Variants in DACH1 observed in about 807,000 individuals in gnomAD.
DACH1 encodes dachshund family transcription factor 1.
Under a neutral mutation model 54.2 loss-of-function variants are expected in DACH1, and 12 were observed. That is an observed-to-expected ratio of 0.22 (90% CI 0.14 to 0.36). DACH1 has a LOEUF of 0.36. Among genes scored for constraint, DACH1 ranks in the 10% least tolerant of loss-of-function variants. The pLI is 1.00. For missense variants in DACH1, 805 were observed against 929.8 expected (o/e 0.87, Z 1.75); for synonymous variants, 386 against 366.2 (o/e 1.05, Z -0.62).
intron 1 of DACH1, among the ~76,000 whole-genome samples, chr13:71,824,464 A>C (rs1202891474): frequency 2.0e-5 from 3 of 152,042 alleles, no homozygotes; most frequent in African/African-American, 7.2e-5. Context: ...AAAAAGAAAC[A>C]TTCTTGCCAG....
At chr13:71,639,206 G>A (rs1488496598) in intron 2 of DACH1, among the ~76,000 whole-genome samples, 1 of 152,036 alleles carries the variant, frequency 6.6e-6, no homozygotes, top group East Asian at 1.9e-4. Flanking sequence ...ATTTCTCAAT[G>A]CTTTCTAAAT....
At chr13:71,668,742 T>G (rs937742758) in intron 2 of DACH1, among the ~76,000 whole-genome samples, 1 of 151,898 alleles carries the variant, frequency 6.6e-6, no homozygotes, top group Non-Finnish European at 1.5e-5. Flanking sequence ...CTGGCCAACA[T>G]GGTGAAACCC....
At chr13:71,863,112 A>G (rs1023474231) in intron 1 of DACH1, among the ~76,000 whole-genome samples, 1 of 152,256 alleles carries the variant, frequency 6.6e-6, no homozygotes, top group Admixed American at 6.5e-5. Context: ...GACTTGAATG[A>G]AAAAAGTAAT....
intron 10 of DACH1, among the ~76,000 whole-genome samples, chr13:71,454,495 A>G (rs1204663365): frequency 2.0e-5 from 3 of 152,226 alleles, no homozygotes; most frequent in African/African-American, 7.2e-5. Flanking sequence ...GGTTCTAAAA[A>G]GACGGTAACT....
At chr13:71,575,510 A>T (rs1001985571) in intron 3 of DACH1, among the ~76,000 whole-genome samples, 3 of 152,032 alleles carry the variant, frequency 2.0e-5, no homozygotes, top group African/African-American at 7.2e-5. Flanking sequence ...ATTTCTGCAA[A>T]TATATTTAAA....
At chr13:71,596,550 G>A (rs1004220993) in intron 3 of DACH1, among the ~76,000 whole-genome samples, 5 of 152,208 alleles carry the variant, frequency 3.3e-5, no homozygotes, top group African/African-American at 9.6e-5. Flanking sequence ...TATAAACAAA[G>A]AGATGGATAA....
chr13:71,565,046 G>A (rs1884822177), intron 4 of DACH1, among the ~76,000 whole-genome samples: 1 of 151,948 alleles, frequency 6.6e-6, no homozygotes, highest in African/African-American at 2.4e-5. Flanking sequence ...CTCAGCCTCT[G>A]AGTAGCTGGG....
chr13:71,584,676 A>T (rs866888978), intron 3 of DACH1, among the ~76,000 whole-genome samples: 69 of 152,242 alleles, frequency 4.5e-4, no homozygotes, highest in African/African-American at 1.6e-3. Flanking sequence ...CAAAAAAAAT[A>T]TTTTTTGAAA....
At chr13:71,816,617 C>CACGTATGTGTGTATATATAT (rs1566519327) in intron 1 of DACH1, among the ~76,000 whole-genome samples, 1 of 68,898 alleles carries the variant, frequency 1.5e-5, no homozygotes, top group East Asian at 6.4e-4. Context: ...TATATATATA[C>CACGTATGTGTGTATATATAT]ACGTGTATAT....
rs149876670 is a variant in DACH1 at position 71,638,101 on chromosome 13, G to A, written c.965-7384C>T. On this transcript the variant is annotated intron_variant, in intron 2 of 10. Coordinates refer to ENST00000613252, the MANE Select transcript of DACH1 (RefSeq NM_080759.6). ...TTCAAACTTTCCATATGATAGACTTGTTATTAGTTTGTGTTAGTTTGCTTA... is the reference window on the plus strand; with the variant it reads ...TTCAAACTTTCCATATGATAGACTTATTATTAGTTTGTGTTAGTTTGCTTA... 5.8e-3 allele frequency among the ~76,000 whole-genome samples: 882 copies of A among 152,216 alleles called. 12 individuals are homozygous for A. The highest frequency in any genetic ancestry group is 0.019 in the African/African-American group (805 of 41,546).
At chr13:71,441,725 T>C (rs1874023208) in intron 10 of DACH1, among the ~76,000 whole-genome samples, 1 of 152,082 alleles carries the variant, frequency 6.6e-6, no homozygotes, top group Admixed American at 6.6e-5. Flanking sequence ...GACCTCACCT[T>C]CAACTTTTAT....
At chr13:71,843,468 T>A (rs147388796) in intron 1 of DACH1, among the ~76,000 whole-genome samples, 2 of 152,244 alleles carry the variant, frequency 1.3e-5, no homozygotes, top group African/African-American at 4.8e-5. Flanking sequence ...CTTCACCATG[T>A]TGCTCAGACT....
At chr13:71,808,615 GTC>G (rs949372335) in intron 1 of DACH1, among the ~76,000 whole-genome samples, 9 of 152,066 alleles carry the variant, frequency 5.9e-5, no homozygotes, top group Non-Finnish European at 8.8e-5. Flanking sequence ...TCTGTTCAAG[GTC>G]ATTTGGTCAT....
At chr13:71,513,141 C>T (rs183774602) in intron 6 of DACH1, among the ~76,000 whole-genome samples, 22 of 152,014 alleles carry the variant, frequency 1.4e-4, no homozygotes, top group Admixed American at 1.2e-3. Context: ...TTGTTATTAG[C>T]AGTATGTATT....
At chr13:71,817,887 T>C (rs1294936751) in intron 1 of DACH1, among the ~76,000 whole-genome samples, 1 of 146,506 alleles carries the variant, frequency 6.8e-6, no homozygotes, top group East Asian at 2.1e-4. Context: ...TGATCTCGGC[T>C]CACTGCAACC....
intron 2 of DACH1, among the ~76,000 whole-genome samples, chr13:71,635,240 TA>T (rs1877395721): frequency 6.6e-6 from 1 of 152,150 alleles, no homozygotes. Context: ...CTCATTAACT[TA>T]ATATAAAGCA....
chr13:71,785,345 T>G (rs1387869663), intron 1 of DACH1, among the ~76,000 whole-genome samples: 2 of 152,296 alleles, frequency 1.3e-5, no homozygotes, highest in Non-Finnish European at 2.9e-5. Flanking sequence ...TAGCTGTAAA[T>G]GTGATTGCTG....
At chr13:71,544,814 T>C (rs370616392) in intron 6 of DACH1, among the ~76,000 whole-genome samples, 2 of 152,026 alleles carry the variant, frequency 1.3e-5, no homozygotes, top group East Asian at 1.9e-4. Context: ...GCCCTCCAGA[T>C]TCACTGTCCA....
At chr13:71,733,297 G>C (rs1378614355) in intron 1 of DACH1, among the ~76,000 whole-genome samples, 1 of 152,028 alleles carries the variant, frequency 6.6e-6, no homozygotes, top group Non-Finnish European at 1.5e-5. Flanking sequence ...GAGTAGCTGG[G>C]ACTACAGGTG....
Sources: gnomAD v4.1 joint callset for allele counts (sites outside exome capture counted in the v4.1 genomes callset) on GRCh38, gnomAD v4.1.1 for gene constraint, MANE v1.5 for transcripts, NCBI Gene and HGNC (gene_info 2026-07-23, HGNC 2026-07-21) for gene names.